Variants in RFX4 observed in about 807,000 individuals in gnomAD.
The protein encoded by RFX4 is regulatory factor X4.
In RFX4, 10 loss-of-function variants were observed where a neutral mutation model predicts 95.0. That is an observed-to-expected ratio of 0.11 (90% CI 0.06 to 0.18). RFX4 has a LOEUF of 0.18. RFX4 is among the 10% of genes least tolerant of loss of function. The probability of loss-of-function intolerance (pLI) is 1.00; values close to 1 mark genes in which losing one functional copy is unlikely to be tolerated. For synonymous variants in RFX4, 321 were observed against 340.7 expected (o/e 0.94, Z 0.64); for missense variants, 640 against 922.0 (o/e 0.69, Z 3.96).
rs1202972863 is a variant in RFX4 at position 106,747,543 on chromosome 12, G to A, written c.1740G>A (p.Val580=). The change falls in exon 16 of 18, where the codon GTG becomes GTA. Residue 580 remains valine (V), a synonymous_variant. Transcript: ENST00000392842. ...TGCCCTGTATGAGGAACACTCATGT[G>A]CCTTCTTCCTCCGTCACACACAGGA... ...QQLPCMRNTH[V]PSSSVTHRIP... is the part of the protein sequence containing the mutation. 5 of 1,614,124 alleles carry A rather than the reference G, an allele frequency of 3.1e-6. No individual in the cohort carries two copies. The South Asian group carries it at 4.4e-5, about 14-fold the overall frequency.
rs148856150 is a variant in RFX4 at position 106,679,327 on chromosome 12, C to T, written c.316-2666C>T. 3.8e-3 allele frequency among the ~76,000 whole-genome samples: 585 copies of T among 152,224 alleles called. 18 individuals are homozygous for T. The East Asian group carries it at 0.072, about 19-fold the overall frequency. On this transcript the variant is annotated intron_variant, in intron 4 of 17. Coordinates refer to ENST00000392842, the MANE Select transcript of RFX4 (RefSeq NM_213594.3). The stretch of plus-strand genomic sequence containing the variant: ...ACAATTAGCCAGTCGTGTTGGTGTG[C>T]ACCTGTAGTCCCAGCTACTTGGTAG...
chr12:106,657,551 T>C (rs1043678474), intron 4 of RFX4, among the ~76,000 whole-genome samples: 15 of 152,308 alleles, frequency 9.8e-5, no homozygotes, highest in Middle Eastern at 3.4e-3. Context: ...TTAGGGAGTA[T>C]AGAGAATGTG....
At chr12:106,722,985 C>A (rs1158331460) in intron 13 of RFX4, among the ~76,000 whole-genome samples, 1 of 152,228 alleles carries the variant, frequency 6.6e-6, no homozygotes, top group Non-Finnish European at 1.5e-5. Flanking sequence ...ATAACTCCCA[C>A]ATGGTCCTTG....
intron 8 of RFX4, among the ~76,000 whole-genome samples, chr12:106,705,823 C>G (rs564642914): frequency 2.6e-5 from 4 of 152,296 alleles, no homozygotes; most frequent in Admixed American, 2.6e-4. Context: ...TCTTACACTT[C>G]ACTTAACAAG....
chr12:106,715,258 C>T, intron 10 of RFX4, 142 bp from the exon 11 acceptor site: 1 of 898,388 alleles, frequency 1.1e-6, no homozygotes, highest in South Asian at 1.8e-5. Flanking sequence ...TCTTCTGGTG[C>T]TTTCCTGAAA....
intron 15 of RFX4, among the ~76,000 whole-genome samples, chr12:106,745,332 GGT>G (rs1566003970): frequency 6.6e-6 from 1 of 152,106 alleles, no homozygotes; most frequent in African/African-American, 2.4e-5. Flanking sequence ...GCTCAATAAT[GGT>G]GTCTCCTTTC....
intron 2 of RFX4, among the ~76,000 whole-genome samples, chr12:106,610,431 A>G (rs1001696087): frequency 6.6e-6 from 1 of 152,098 alleles, no homozygotes; most frequent in South Asian, 2.1e-4. Context: ...ATCTTCCTAA[A>G]CTGAAACTCT....
At chr12:106,695,652 G>A (rs1348553315) in intron 7 of RFX4, among the ~76,000 whole-genome samples, 1 of 152,178 alleles carries the variant, frequency 6.6e-6, no homozygotes, top group African/African-American at 2.4e-5. Flanking sequence ...TGCCCACATA[G>A]CTTACCACTC....
intron 2 of RFX4, among the ~76,000 whole-genome samples, chr12:106,630,560 C>T (rs572989108): frequency 9.9e-5 from 15 of 152,236 alleles, no homozygotes; most frequent in East Asian, 5.8e-4. Context: ...GGGCTGGAAA[C>T]GAGGCAAATG....
chr12:106,734,354 G>A (rs991123270), intron 15 of RFX4, among the ~76,000 whole-genome samples: 1 of 152,110 alleles, frequency 6.6e-6, no homozygotes, highest in African/African-American at 2.4e-5. Flanking sequence ...CCAGCACTTT[G>A]GGAGGCCGAG....
chr12:106,746,848 T>C (rs1392490206), intron 15 of RFX4, among the ~76,000 whole-genome samples: 3 of 152,190 alleles, frequency 2.0e-5, no homozygotes, highest in Non-Finnish European at 4.4e-5. Flanking sequence ...CAGGCTTTCC[T>C]TTTCCTTCTC....
chr12:106,696,498 G>A (rs2041883006), intron 8 of RFX4, 52 bp downstream of exon 8: 4 of 1,602,326 alleles, frequency 2.5e-6, no homozygotes, highest in Non-Finnish European at 3.4e-6. Flanking sequence ...AGAAGGGATT[G>A]TTCTGCTTCT....
chr12:106,623,899 C>T (rs1173086422), intron 2 of RFX4, among the ~76,000 whole-genome samples: 7 of 152,136 alleles, frequency 4.6e-5, no homozygotes, highest in African/African-American at 7.2e-5. Context: ...GAGTAGGCTC[C>T]GGGGTTTATT....
chr12:106,616,563 G>A (rs2040078336), intron 2 of RFX4, among the ~76,000 whole-genome samples: 1 of 151,962 alleles, frequency 6.6e-6, no homozygotes, highest in Admixed American at 6.5e-5. Context: ...TTAATTGTTT[G>A]GAAGAATTCA....
At chr12:106,615,814 T>A (rs2137223162) in intron 2 of RFX4, among the ~76,000 whole-genome samples, 1 of 152,378 alleles carries the variant, frequency 6.6e-6, no homozygotes, top group Admixed American at 6.5e-5. Context: ...ATTTAGATAA[T>A]AACTTCATAT....
chr12:106,645,858 AAC>A, intron 3 of RFX4: 1 of 1,273,492 alleles, frequency 7.9e-7, no homozygotes, highest in African/African-American at 1.5e-5. Context: ...TTTAGCTCTG[AAC>A]ACAACCAGTG....
intron 2 of RFX4, among the ~76,000 whole-genome samples, chr12:106,617,621 A>G (rs1386914225): frequency 6.6e-6 from 1 of 152,218 alleles, no homozygotes; most frequent in African/African-American, 2.4e-5. Flanking sequence ...TCAAAATTTG[A>G]AATTGTTGAG....
In RFX4 at chr12:106,586,304, G is replaced by A. The variant is rs1290993007; in HGVS notation, c.43+2941G>A. The stretch of plus-strand genomic sequence containing the variant: ...CGCGCAAAAGTGGGTGCTGAGCCCC[G>A]CGTGGCCTGCGCTCCCCACGCGGGC... On this transcript the variant is annotated intron_variant, in intron 1 of 17. Coordinates refer to ENST00000392842, the MANE Select transcript of RFX4 (RefSeq NM_213594.3). This position sits in a 1 kb window ranked among gnomAD's most constrained non-coding sequence, Gnocchi z 5.6. 1.3e-5 allele frequency among the ~76,000 whole-genome samples: 2 copies of A among 152,080 alleles called. No homozygotes were observed. The highest frequency in any genetic ancestry group is 4.1e-4 in the South Asian group (2 of 4,834).
At chr12:106,613,163 T>G (rs2039996299) in intron 2 of RFX4, among the ~76,000 whole-genome samples, 1 of 151,224 alleles carries the variant, frequency 6.6e-6, no homozygotes, top group African/African-American at 2.4e-5. Context: ...TCTGCATCAG[T>G]TGAGATGGTT....
Sources: gnomAD v4.1 joint callset for allele counts (sites outside exome capture counted in the v4.1 genomes callset) on GRCh38, gnomAD v4.1.1 for gene constraint, Gnocchi (gnomAD v3.1) non-coding constraint, MANE v1.5 for transcripts, NCBI Gene and HGNC (gene_info 2026-07-23, HGNC 2026-07-21) for gene names.